Variants in GET1 observed in about 807,000 individuals in gnomAD.
GET1 encodes the protein congenital heart disease 5 protein.
A neutral mutation model predicts 22.6 loss-of-function variants in GET1; 20 were observed. The ratio of observed to expected loss-of-function variants is 0.89; its 90% confidence interval spans 0.62 to 1.29. The LOEUF (loss-of-function observed/expected upper bound fraction) is 1.29, where lower values mean the gene tolerates loss of function less well. Ranked by LOEUF, GET1 falls within the 50% of genes most tolerant of loss-of-function variation. GET1 has a pLI of 0.00. For synonymous variants in GET1, 92 were observed against 83.8 expected (o/e 1.10, Z -0.53); for missense variants, 209 against 219.9 (o/e 0.95, Z 0.31).
At position 39,406,379 on chromosome 21, in the gene GET1, G is replaced by A. The variant is rs143282727; in HGVS notation, c.*395G>A. 3,913 of 1,614,178 alleles carry A rather than the reference G, an allele frequency of 2.4e-3. 8 individuals carry two copies. Among genetic ancestry groups the A allele is most frequent in the Non-Finnish European group, 3.2e-3 (3,729 of 1,180,034 alleles). On this transcript the variant is annotated 3_prime_UTR_variant, in exon 5 of 5. Transcript: ENST00000415847. ...GTGTAGGGAGCAGTGCCTTTGCCAA[G>A]TGTGTCATCCACACCATTTCTCTGC... is the stretch of plus-strand genomic sequence containing the variant.
At chr21:39,388,686 G>A (rs2038089519) in intron 1 of GET1, among the ~76,000 whole-genome samples, 1 of 152,194 alleles carries the variant, frequency 6.6e-6, no homozygotes, top group South Asian at 2.1e-4. Flanking sequence ...GCCACTGAGG[G>A]ATCTGGTCTT....
chr21:39,406,044 A>G (rs2039029937), exon 5 of GET1: 1 of 1,614,108 alleles, frequency 6.2e-7, no homozygotes, highest in Non-Finnish European at 8.5e-7. Flanking sequence ...CTTTTGCAAC[A>G]CCAGGACTTG....
rs141744454 is a variant in GET1, at chr21:39,391,778, G to C, written c.278G>C (p.Arg93Pro). The change falls in exon 3 of 5, where the codon CGG becomes CCG. Residue 93 changes from arginine to proline, a missense_variant. Transcript: ENST00000649170. ...CTGTTTTTCCTTTCAGTGAAAGCTCGGACAGCTCAATTAGCCAAGATAAAA... is the reference window on the plus strand; with the variant it reads ...CTGTTTTTCCTTTCAGTGAAAGCTCCGACAGCTCAATTAGCCAAGATAAAA... ...TDKLKTHVKA[R>P]TAQLAKIKWV... is the part of the protein sequence containing the mutation. The C allele has an allele frequency of 3.0e-5, 48 of 1,613,910 alleles. No homozygotes were observed. The highest frequency in any genetic ancestry group is 4.1e-5 in the Non-Finnish European group (48 of 1,179,996).
chr21:39,425,924 C>T (rs937130489), intron 1 of GET1: 1 of 152,292 alleles, frequency 6.6e-6, no homozygotes, highest in African/African-American at 2.4e-5. Flanking sequence ...GCCATGGCCA[C>T]AGGAGCTCTG....
intron 1 of GET1, chr21:39,386,640 T>G (rs557698145): frequency 2.6e-5 from 4 of 152,360 alleles, no homozygotes; most frequent in African/African-American, 9.6e-5. Flanking sequence ...GTTTGCCTGC[T>G]CTACTGCTGG....
chr21:39,419,293 G>A (rs1379091314), intron 1 of GET1, among the ~76,000 whole-genome samples: 3 of 152,130 alleles, frequency 2.0e-5, no homozygotes, highest in Non-Finnish European at 4.4e-5. Context: ...GGAAGGCCAA[G>A]GCAGGAGGAT....
intron 3 of GET1, among the ~76,000 whole-genome samples, chr21:39,392,620 TG>T (rs900687941): frequency 3.3e-5 from 5 of 152,134 alleles, no homozygotes; most frequent in Non-Finnish European, 7.4e-5. Context: ...AGGAATGCTG[TG>T]GGGGGATGGA....
exon 5 of GET1, chr21:39,406,366 G>A (rs772543714): frequency 6.2e-7 from 1 of 1,613,772 alleles, no homozygotes; most frequent in Admixed American, 1.7e-5. Flanking sequence ...GTAGGGAGCA[G>A]TGCCTTTGCC....
intron 2 of GET1, chr21:39,391,406 A>G (rs2038287837): frequency 3.6e-6 from 1 of 281,248 alleles, no homozygotes; most frequent in Non-Finnish European, 6.8e-6. Flanking sequence ...GGCCCAGGAC[A>G]AGCTGGACTC....
downstream of GET1, chr21:39,410,273 C>T (rs1280987619): frequency 6.3e-7 from 1 of 1,599,806 alleles, no homozygotes; most frequent in Non-Finnish European, 8.5e-7. Context: ...CCTTAGTTGT[C>T]AAAGGTGGAA....
intron 1 of GET1, chr21:39,411,857 G>T (rs2040138462): frequency 2.0e-6 from 2 of 1,006,374 alleles, no homozygotes; most frequent in Admixed American, 2.1e-5. Flanking sequence ...TGTCAACCCT[G>T]ATTTCTTTTA....
At chr21:39,427,519 G>A (rs2074948662) in intron 1 of GET1, among the ~76,000 whole-genome samples, 3 of 151,970 alleles carry the variant, frequency 2.0e-5, no homozygotes, top group Non-Finnish European at 2.9e-5. Context: ...AAAATTAGCC[G>A]GGCGTGGTGG....
At chr21:39,402,983 A>C (rs1255390384) in intron 4 of GET1, among the ~76,000 whole-genome samples, 2 of 152,154 alleles carry the variant, frequency 1.3e-5, no homozygotes, top group Non-Finnish European at 2.9e-5. Context: ...TACACTTCTA[A>C]ATATAGCTCT....
intron 1 of GET1, among the ~76,000 whole-genome samples, chr21:39,416,750 T>G (rs892134130): frequency 8.5e-5 from 13 of 152,304 alleles, no homozygotes; most frequent in Middle Eastern, 6.8e-3. Context: ...ACACACAACA[T>G]TCTCAAAACA....
intron 1 of GET1, among the ~76,000 whole-genome samples, chr21:39,426,759 G>C (rs1013893012): frequency 5.9e-5 from 9 of 152,214 alleles, no homozygotes; most frequent in African/African-American, 1.9e-4. Context: ...TTGTGTGTTT[G>C]TAGGATCTAA....
intron 3 of GET1, chr21:39,392,812 C>A: frequency 4.8e-6 from 1 of 210,402 alleles, no homozygotes; most frequent in Non-Finnish European, 9.5e-6. Flanking sequence ...AAAAGCACAC[C>A]CGTGTTATGG....
intron 1 of GET1, 146 bp downstream of exon 1, chr21:39,380,632 G>T: frequency 6.9e-7 from 1 of 1,452,352 alleles, no homozygotes; most frequent in South Asian, 1.4e-5. Context: ...TGAGATAGTT[G>T]TTAGCGTCTA....
At chr21:39,392,989 A>C (rs1156929793) in intron 3 of GET1, 177 bp from the exon 4 acceptor site, 4 of 558,046 alleles carry the variant, frequency 7.2e-6, no homozygotes, top group Non-Finnish European at 1.3e-5. Flanking sequence ...GGTTTCACCA[A>C]GGGACATTAG....
At chr21:39,410,187 C>A (rs1320555052), downstream of GET1, 3 of 1,246,374 alleles carry the variant, frequency 2.4e-6, no homozygotes, top group Non-Finnish European at 3.5e-6. Flanking sequence ...ATACTTTTCA[C>A]ATAGAACAAG....
Sources: allele counts gnomAD v4.1 joint callset (sites outside exome capture counted in the v4.1 genomes callset), GRCh38; gene constraint gnomAD v4.1.1; transcripts MANE v1.5; gene names NCBI Gene and HGNC (gene_info 2026-07-23, HGNC 2026-07-21).